CAPS2: variants seen among roughly 807,000 people sequenced by gnomAD.
CAPS2 encodes calcyphosin-2.
A neutral mutation model predicts 86.5 loss-of-function variants in CAPS2; 98 were observed. That is an observed-to-expected ratio of 1.13 (90% CI 0.96 to 1.34). The LOEUF (loss-of-function observed/expected upper bound fraction) is 1.34. CAPS2 is among the 40% of genes most tolerant of loss of function. The pLI, the probability that CAPS2 is intolerant of heterozygous loss-of-function variation, is 0.00. For missense variants in CAPS2, 729 were observed against 686.8 expected, an observed-to-expected ratio of 1.06 and a Z score of -0.69; for synonymous variants, 210 against 225.1, an observed-to-expected ratio of 0.93 and a Z score of 0.60.
chr12:75,358,681 T>C (rs1016240170), intron 1 of CAPS2, among the ~76,000 whole-genome samples: 2 of 147,696 alleles, frequency 1.4e-5, no homozygotes, highest in Admixed American at 6.8e-5. Flanking sequence ...TTGTTACATA[T>C]TTGTGTTTCT....
chr12:75,384,570 A>G (rs923616237), intron 1 of CAPS2, among the ~76,000 whole-genome samples: 2 of 152,228 alleles, frequency 1.3e-5, no homozygotes, highest in African/African-American at 4.8e-5. Flanking sequence ...ATTCTACCAA[A>G]AATTTAAAGA....
intron 1 of CAPS2, among the ~76,000 whole-genome samples, chr12:75,352,788 C>A (rs112677850): frequency 1.4e-4 from 21 of 151,860 alleles, no homozygotes; most frequent in African/African-American, 4.6e-4. Context: ...GAACTGAAAT[C>A]ATAACAGTCT....
At chr12:75,322,066 CA>C (rs1241706170) in intron 4 of CAPS2, among the ~76,000 whole-genome samples, 1 of 151,778 alleles carries the variant, frequency 6.6e-6, no homozygotes, top group Non-Finnish European at 1.5e-5. Flanking sequence ...TCTCTTAAAC[CA>C]AAAATAAACA....
chr12:75,351,188 T>C (rs1344790922), intron 1 of CAPS2, among the ~76,000 whole-genome samples: 1 of 152,148 alleles, frequency 6.6e-6, no homozygotes, highest in Non-Finnish European at 1.5e-5. Flanking sequence ...TATGAGATTA[T>C]GTAAGATTGA....
chr12:75,377,901 A>G (rs2044744316), intron 1 of CAPS2, among the ~76,000 whole-genome samples: 2 of 151,342 alleles, frequency 1.3e-5, no homozygotes, highest in Non-Finnish European at 2.9e-5. Context: ...AATATCTGTA[A>G]TATATATAAT....
chr12:75,314,439 G>T (rs755309945), intron 6 of CAPS2, among the ~76,000 whole-genome samples: 1 of 151,620 alleles, frequency 6.6e-6, no homozygotes. Flanking sequence ...CTAGTTTTTT[G>T]GTTTGGTAGA....
intron 1 of CAPS2, among the ~76,000 whole-genome samples, chr12:75,349,849 G>C (rs1324531264): frequency 6.6e-6 from 1 of 152,182 alleles, no homozygotes; most frequent in African/African-American, 2.4e-5. Context: ...AATTATCCAA[G>C]ATAGAATCCA....
chr12:75,389,812 G>A (rs545951064), intron 1 of CAPS2, among the ~76,000 whole-genome samples: 1 of 152,230 alleles, frequency 6.6e-6, no homozygotes, highest in Non-Finnish European at 1.5e-5. Context: ...TATTTATCAC[G>A]TTTTAAATAC....
At chr12:75,329,652 A>G (rs2041116183), upstream of CAPS2, among the ~76,000 whole-genome samples, 1 of 152,244 alleles carries the variant, frequency 6.6e-6, no homozygotes, top group Admixed American at 6.5e-5. Flanking sequence ...AGATGTAAAT[A>G]CAATTTAGTA....
intron 4 of CAPS2, among the ~76,000 whole-genome samples, chr12:75,322,781 C>G (rs2139021702): frequency 6.6e-6 from 1 of 152,164 alleles, no homozygotes; most frequent in Admixed American, 6.6e-5. Context: ...GTGTACTTTA[C>G]CAATTTCATT....
chr12:75,377,878 T>C (rs1189973723), intron 1 of CAPS2, among the ~76,000 whole-genome samples: 1 of 150,474 alleles, frequency 6.6e-6, no homozygotes, highest in Admixed American at 6.7e-5. Flanking sequence ...TGTGTGTGTC[T>C]ATATATATAT....
chr12:75,369,609 G>A lies in CAPS2; in HGVS notation c.-395+21229C>T, dbSNP rs138841470. On this transcript the variant is annotated intron_variant, in intron 1 of 5. Transcript: ENST00000551829. ...ATGAATGAGATTGTTAATGAGTTCT[G>A]CATACAAAAAATTCAACATGAAGAA... 4.2e-4 allele frequency: 416 copies of A among 984,762 alleles called. 3 individuals are homozygous for A. The African/African-American group carries it at 5.7e-3, about 14-fold the overall frequency. 61.0% of individuals were successfully genotyped at this position (984,762 alleles called of 1,614,324 possible). A position where few individuals can be genotyped will look rare whatever the true frequency, so the allele number is the denominator to read the frequency against.
At chr12:75,308,978 G>A (rs1247567931) in intron 7 of CAPS2, among the ~76,000 whole-genome samples, 2 of 151,000 alleles carry the variant, frequency 1.3e-5, no homozygotes, top group African/African-American at 4.9e-5. Flanking sequence ...GTCAGGGGCA[G>A]CTCCTCAGAG....
chr12:75,300,279 G>A (rs1019185439), intron 8 of CAPS2, among the ~76,000 whole-genome samples: 4 of 151,840 alleles, frequency 2.6e-5, no homozygotes, highest in African/African-American at 7.3e-5. Flanking sequence ...CTTAGCGGCC[G>A]GGCGCGGTGG....
intron 5 of CAPS2, among the ~76,000 whole-genome samples, chr12:75,319,393 G>A (rs1407128967): frequency 6.6e-6 from 1 of 152,094 alleles, no homozygotes; most frequent in African/African-American, 2.4e-5. Flanking sequence ...AAAAGAGCCT[G>A]GCACCTTCGC....
At chr12:75,340,029 A>C (rs1296615205) in intron 1 of CAPS2, among the ~76,000 whole-genome samples, 2 of 152,030 alleles carry the variant, frequency 1.3e-5, no homozygotes, top group Admixed American at 6.6e-5. Context: ...GAGTTACTTC[A>C]ATTAGAATAA....
chr12:75,276,670 C>G, downstream of CAPS2: 1 of 821,578 alleles, frequency 1.2e-6, no homozygotes, highest in South Asian at 5.7e-5. Flanking sequence ...TTAAAATTCT[C>G]AACTTTTATT....
At chr12:75,279,554 G>C (rs764621785) in intron 16 of CAPS2, among the ~76,000 whole-genome samples, 4 of 151,944 alleles carry the variant, frequency 2.6e-5, no homozygotes, top group African/African-American at 4.8e-5. Context: ...ATTAAGGTGA[G>C]AGTTAATTTT....
intron 1 of CAPS2, among the ~76,000 whole-genome samples, chr12:75,362,476 T>G (rs1275308583): frequency 6.6e-6 from 1 of 152,166 alleles, no homozygotes; most frequent in Non-Finnish European, 1.5e-5. Flanking sequence ...ACCAAAAACT[T>G]GACCAACCCA....
Sources: allele counts gnomAD v4.1 joint callset (sites outside exome capture counted in the v4.1 genomes callset), GRCh38; gene constraint gnomAD v4.1.1; transcripts MANE v1.5; gene names NCBI Gene and HGNC (gene_info 2026-07-23, HGNC 2026-07-21).